The following ZFHX4 variants were observed in gnomAD, a reference collection of about 807,000 sequenced individuals.
ZFHX4 encodes zinc finger homeobox 4.
A neutral mutation model predicts 267.6 loss-of-function variants in ZFHX4; 56 were observed. The observed-to-expected ratio is 0.21, with a 90% CI of 0.17 to 0.26. The LOEUF (loss-of-function observed/expected upper bound fraction) is 0.26. Ranked by LOEUF, ZFHX4 falls within the 10% of genes least tolerant of loss-of-function variation. The pLI is 1.00. For missense variants in ZFHX4, 4,332 were observed against 4,420.0 expected, an observed-to-expected ratio of 0.98 and a Z score of 0.56; for synonymous variants, 1,778 against 1,665.6, an observed-to-expected ratio of 1.07 and a Z score of -1.64.
chr8:76,730,009 T>A (rs1487444451), intron 3 of ZFHX4, among the ~76,000 whole-genome samples: 2 of 152,226 alleles, frequency 1.3e-5, no homozygotes, highest in African/African-American at 4.8e-5. Flanking sequence ...AAAAAAATTT[T>A]CAAAGCAACG....
intron 3 of ZFHX4, among the ~76,000 whole-genome samples, chr8:76,750,062 G>A (rs945126228): frequency 2.0e-5 from 3 of 152,028 alleles, no homozygotes; most frequent in Admixed American, 1.3e-4. Context: ...TTTGTCCTAG[G>A]TTTAAAATTC....
In ZFHX4 at chr8:76,709,510, T is replaced by C. The variant is rs78807756; in HGVS notation, c.3093+1462T>C. Among the ~76,000 whole-genome samples the C allele has an allele frequency of 2.0e-3, 311 of 152,218 alleles. 2 individuals carry two copies. Among genetic ancestry groups the C allele is most frequent in the African/African-American group, 7.3e-3 (304 of 41,544 alleles). On this transcript the variant is annotated intron_variant, in intron 3 of 10. Transcript: ENST00000651372. ...GTTGATACCTGGCCTATTAAAACTT[T>C]TAAAATACCTAGGAGAGAAAAACAA...
intron 3 of ZFHX4, among the ~76,000 whole-genome samples, chr8:76,775,355 A>G (rs1447734593): frequency 6.6e-6 from 1 of 152,220 alleles, no homozygotes; most frequent in Non-Finnish European, 1.5e-5. Flanking sequence ...GAGAGGATAG[A>G]AAATGTACGC....
At chr8:76,860,987 C>T (rs1265342945) in intron 10 of ZFHX4, among the ~76,000 whole-genome samples, 2 of 151,984 alleles carry the variant, frequency 1.3e-5, no homozygotes, top group Non-Finnish European at 2.9e-5. Context: ...GCTTGTGGGC[C>T]CCCAAAGGCA....
chr8:76,681,733 C>G (rs911635000), intron 1 of ZFHX4, 113 bp downstream of exon 1: 1 of 343,298 alleles, frequency 2.9e-6, no homozygotes, highest in Non-Finnish European at 5.2e-6. Context: ...CCCTCTCTCT[C>G]CCTCTCCGCC....
intron 3 of ZFHX4, among the ~76,000 whole-genome samples, chr8:76,744,002 A>G (rs1809389678): frequency 6.6e-6 from 1 of 152,192 alleles, no homozygotes; most frequent in South Asian, 2.1e-4. Flanking sequence ...CATAAATGTG[A>G]GTACCTATGC....
intron 3 of ZFHX4, among the ~76,000 whole-genome samples, chr8:76,737,718 T>C (rs1431430803): frequency 6.6e-6 from 1 of 152,200 alleles, no homozygotes; most frequent in Non-Finnish European, 1.5e-5. Context: ...GTGATAAAAA[T>C]GGTAATTATT....
At chr8:76,818,742 C>A (rs563812286) in intron 4 of ZFHX4, among the ~76,000 whole-genome samples, 1 of 151,914 alleles carries the variant, frequency 6.6e-6, no homozygotes, top group African/African-American at 2.4e-5. Flanking sequence ...CACAGGGAGA[C>A]CTTGTCTCTA....
At chr8:76,701,799 G>A (rs1046219387) in intron 1 of ZFHX4, among the ~76,000 whole-genome samples, 4 of 152,032 alleles carry the variant, frequency 2.6e-5, no homozygotes. Context: ...TAATTAAAGT[G>A]AATTTTTTTT....
At position 76,865,477 on chromosome 8, in the gene ZFHX4, C is replaced by T. The variant is rs777478441; in HGVS notation, c.*912C>T. The T allele has an allele frequency of 6.6e-6, 1 of 152,452 alleles. No individual in the cohort carries two copies. The highest frequency in any genetic ancestry group is 1.5e-5 in the Non-Finnish European group (1 of 68,012). The allele number at this position is 152,452 out of a possible 1,614,324, so 9.4% of individuals were successfully genotyped here. On this transcript the variant is annotated 3_prime_UTR_variant, in exon 11 of 11. Coordinates refer to ENST00000651372, the MANE Select transcript of ZFHX4 (RefSeq NM_024721.5). ...CTAGTGCACTTATGATTTTGTAGAC[C>T]ATGTGAAATTTAATAAGATACCTTT...
chr8:76,804,671 G>T (rs1004272302), intron 4 of ZFHX4, among the ~76,000 whole-genome samples: 1 of 152,224 alleles, frequency 6.6e-6, no homozygotes. Context: ...CCCAAGTTTA[G>T]TTTATTAACA....
At chr8:76,794,589 A>C (rs1396155219) in intron 4 of ZFHX4, among the ~76,000 whole-genome samples, 1 of 152,156 alleles carries the variant, frequency 6.6e-6, no homozygotes, top group Non-Finnish European at 1.5e-5. Flanking sequence ...TATACTCTAC[A>C]TGATAAAACC....
chr8:76,837,571 GGCTGGGGT>G (rs1812124977), intron 5 of ZFHX4, among the ~76,000 whole-genome samples: 1 of 151,384 alleles, frequency 6.6e-6, no homozygotes, highest in African/African-American at 2.4e-5. Context: ...GGGAAATAGG[GGCTGGGGT>G]AGCATGTGGA....
At chr8:76,769,252 G>T (rs1810194132) in intron 3 of ZFHX4, among the ~76,000 whole-genome samples, 1 of 152,040 alleles carries the variant, frequency 6.6e-6, no homozygotes, top group African/African-American at 2.4e-5. Flanking sequence ...CTATTTTCAG[G>T]TTCGTGACAT....
chr8:76,824,458 G>A (rs1002866911), intron 4 of ZFHX4, among the ~76,000 whole-genome samples: 3 of 152,268 alleles, frequency 2.0e-5, no homozygotes, highest in South Asian at 4.1e-4. Flanking sequence ...GTGGAAGTTT[G>A]GTATGGGGAG....
intron 4 of ZFHX4, among the ~76,000 whole-genome samples, chr8:76,787,387 C>G (rs938439908): frequency 1.2e-4 from 18 of 151,970 alleles, no homozygotes; most frequent in African/African-American, 4.3e-4. Context: ...TAGTGATACT[C>G]CAGATGAAGT....
At chr8:76,775,116 G>A (rs1810369762) in intron 3 of ZFHX4, among the ~76,000 whole-genome samples, 1 of 152,188 alleles carries the variant, frequency 6.6e-6, no homozygotes, top group Non-Finnish European at 1.5e-5. Context: ...ATGTTGAATA[G>A]ATAATGATGA....
rs189390090 is a variant in ZFHX4 at position 76,772,863 on chromosome 8, C to T, written c.3094-5345C>T. Among the ~76,000 whole-genome samples the T allele has an allele frequency of 1.2e-4, 19 of 152,180 alleles. 1 individual carries two copies. The East Asian group carries it at 2.3e-3, about 19-fold the overall frequency. ...TTGCTATTCCATCTGCCTTGACTGC[C>T]GCTCTACCTGTTGTCCATGACAAAA... is the stretch of plus-strand genomic sequence containing the variant. On this transcript the variant is annotated intron_variant, in intron 3 of 10. Coordinates refer to ENST00000651372, the MANE Select transcript of ZFHX4 (RefSeq NM_024721.5).
At chr8:76,740,354 G>A (rs1809282430) in intron 3 of ZFHX4, among the ~76,000 whole-genome samples, 1 of 151,980 alleles carries the variant, frequency 6.6e-6, no homozygotes, top group Admixed American at 6.6e-5. Context: ...AAGCAAGTCA[G>A]GAAGGAGGGA....
Sources: gnomAD v4.1 joint callset for allele counts (sites outside exome capture counted in the v4.1 genomes callset) on GRCh38, gnomAD v4.1.1 for gene constraint, MANE v1.5 for transcripts, NCBI Gene and HGNC (gene_info 2026-07-23, HGNC 2026-07-21) for gene names.